CDH22: variants seen among roughly 807,000 people sequenced by gnomAD.
CDH22 encodes cadherin 22, also known as cadherin-22.
CDH22 carries 30 observed loss-of-function variants against 58.4 expected under a neutral mutation model. The observed-to-expected ratio is 0.51, with a 90% confidence interval of 0.38 to 0.70. The LOEUF is 0.70. Ranked by LOEUF, CDH22 falls within the 30% of genes least tolerant of loss-of-function variation. The pLI is 0.00. For synonymous variants in CDH22, 513 were observed against 558.2 expected (o/e 0.92, Z 1.14); for missense variants, 1,014 against 1,233.9 (o/e 0.82, Z 2.67).
chr20:46,190,955 TG>T (rs2085858626), intron 8 of CDH22, among the ~76,000 whole-genome samples: 1 of 152,136 alleles, frequency 6.6e-6, no homozygotes, highest in African/African-American at 2.4e-5. Context: ...TTCTGTATAA[TG>T]GACAGGGGAT....
chr20:46,226,735 C>T lies in CDH22; in HGVS notation c.670+773G>A, dbSNP rs180978136. 3.3e-5 allele frequency among the ~76,000 whole-genome samples: 5 copies of T among 152,316 alleles called. No individual in the cohort carries two copies. In the East Asian group the frequency reaches 7.7e-4, roughly 24 times the overall value. On this transcript the variant is annotated intron_variant, in intron 4 of 11. Transcript: ENST00000537909. ...CTGTGCTGTCTGACATCTCATTCCCCGCCTTCACCCAAGCCAGGCCCCTCC... is the reference window on the plus strand; with the variant it reads ...CTGTGCTGTCTGACATCTCATTCCCTGCCTTCACCCAAGCCAGGCCCCTCC...
chr20:46,191,818 G>A (rs971840631), intron 8 of CDH22, among the ~76,000 whole-genome samples: 3 of 152,168 alleles, frequency 2.0e-5, no homozygotes, highest in African/African-American at 7.2e-5. Context: ...CCTCCAGGAA[G>A]CTTTCCTTGA....
At chr20:46,204,538 G>T (rs564220108) in intron 7 of CDH22, among the ~76,000 whole-genome samples, 1 of 151,860 alleles carries the variant, frequency 6.6e-6, no homozygotes, top group Non-Finnish European at 1.5e-5. Flanking sequence ...ACTTTTCTTT[G>T]TTGAGCAAGA....
At chr20:46,236,557 A>AT (rs1318420702) in intron 3 of CDH22, among the ~76,000 whole-genome samples, 3 of 143,540 alleles carry the variant, frequency 2.1e-5, no homozygotes, top group Non-Finnish European at 4.5e-5. Flanking sequence ...ATATAAATAT[A>AT]AAAATAAATA....
chr20:46,292,574 C>T (rs933524885), intron 1 of CDH22, among the ~76,000 whole-genome samples: 7 of 152,196 alleles, frequency 4.6e-5, no homozygotes, highest in African/African-American at 1.7e-4. Flanking sequence ...TATCCGGTGT[C>T]TTAGTCCTGG....
intron 2 of CDH22, among the ~76,000 whole-genome samples, chr20:46,242,715 A>G (rs1372985299): frequency 6.6e-6 from 1 of 152,146 alleles, no homozygotes; most frequent in Non-Finnish European, 1.5e-5. Context: ...TACTGCAGGT[A>G]TGGAGGTTTT....
intron 11 of CDH22, among the ~76,000 whole-genome samples, chr20:46,177,527 C>T (rs1248878231): frequency 3.9e-5 from 6 of 152,082 alleles, no homozygotes; most frequent in Non-Finnish European, 8.8e-5. Context: ...TATCCAGTAC[C>T]CTTACACCAG....
intron 1 of CDH22, among the ~76,000 whole-genome samples, chr20:46,298,390 A>G (rs2086637713): frequency 1.3e-5 from 2 of 152,234 alleles, no homozygotes; most frequent in South Asian, 4.1e-4. Context: ...AGCCTGGCAC[A>G]TAGTAGGCTC....
Position 46,216,996 on chromosome 20 carries a change from G to A in CDH22, c.671-3C>T. The stretch of plus-strand genomic sequence containing the variant: ...AGGCACAGCCGTCCGGATTACGCCT[G>A]TGGGTGAGTGAGGGTGAGGCCAGGG... On this transcript the variant is annotated splice_region_variant and splice_polypyrimidine_tract_variant and intron_variant, in intron 4 of 11. Transcript: ENST00000537909. This position sits in a 1 kb window ranked among gnomAD's most constrained non-coding sequence, Gnocchi z 5.3. 6.3e-7 allele frequency: 1 copy of A among 1,584,834 alleles called. No homozygotes were observed. The highest frequency in any genetic ancestry group is 1.1e-5 in the South Asian group (1 of 90,478).
chr20:46,258,270 G>A (rs534515459), intron 1 of CDH22, among the ~76,000 whole-genome samples: 2 of 152,236 alleles, frequency 1.3e-5, no homozygotes, highest in African/African-American at 4.8e-5. Context: ...TGGGATTTGT[G>A]AAGGTTCATT....
intron 2 of CDH22, among the ~76,000 whole-genome samples, chr20:46,242,161 C>T (rs1568670830): frequency 2.0e-5 from 3 of 152,270 alleles, no homozygotes; most frequent in Non-Finnish European, 2.9e-5. Flanking sequence ...GTTAAAGATG[C>T]TTTTTTTAAA....
intron 1 of CDH22, among the ~76,000 whole-genome samples, chr20:46,268,062 A>T (rs1454740669): frequency 6.6e-6 from 1 of 152,254 alleles, no homozygotes; most frequent in Non-Finnish European, 1.5e-5. Flanking sequence ...CAGATATTGG[A>T]CATGGGTTTC....
chr20:46,255,572 C>T (rs920729134), intron 1 of CDH22, among the ~76,000 whole-genome samples: 1 of 152,194 alleles, frequency 6.6e-6, no homozygotes, highest in African/African-American at 2.4e-5. Context: ...ATCCTCACCT[C>T]TCCCTCCCCT....
At chr20:46,298,635 A>AATGGGTGGATGGATGGATGGATGG (rs2086638599) in intron 1 of CDH22, among the ~76,000 whole-genome samples, 1 of 151,772 alleles carries the variant, frequency 6.6e-6, no homozygotes, top group Non-Finnish European at 1.5e-5. Flanking sequence ...TGGATTGATG[A>AATGGGTGGATGGATGGATGGATGG]ATGGGTGGAT....
intron 7 of CDH22, among the ~76,000 whole-genome samples, chr20:46,201,714 C>T (rs1474693108): frequency 2.6e-5 from 4 of 152,176 alleles, no homozygotes; most frequent in Non-Finnish European, 5.9e-5. Context: ...CATTATAAGC[C>T]GATCCCCTGA....
In CDH22 at chr20:46,174,425, C is replaced by G. The variant is rs2085719071; in HGVS notation, c.*81G>C. Reference sequence around the variant, plus strand: ...GTTGGGGGAGGGCAGGAAAGGGGGTCCGCGGGGGAAACGCGTTGTCCTGGG... The same window carrying G: ...GTTGGGGGAGGGCAGGAAAGGGGGTGCGCGGGGGAAACGCGTTGTCCTGGG... On this transcript the variant is annotated 3_prime_UTR_variant, in exon 12 of 12. Transcript: ENST00000537909. The surrounding 1 kb of genome is among the most constrained non-coding windows in gnomAD (Gnocchi z 4.4). 1.7e-5 allele frequency: 17 copies of G among 1,019,722 alleles called. 1 individual carries two copies. In the South Asian group the frequency reaches 3.1e-4, roughly 19 times the overall value. The allele number at this position is 1,019,722 out of a possible 1,614,324, so 63.2% of individuals were successfully genotyped here.
intron 1 of CDH22, among the ~76,000 whole-genome samples, chr20:46,266,028 G>A (rs2086457953): frequency 6.7e-6 from 1 of 149,088 alleles, no homozygotes; most frequent in Admixed American, 6.7e-5. Context: ...GCCCCCTCTG[G>A]GTCTCTCTCT....
At chr20:46,239,867 G>A (rs1325226950) in intron 3 of CDH22, among the ~76,000 whole-genome samples, 1 of 152,254 alleles carries the variant, frequency 6.6e-6, no homozygotes, top group East Asian at 1.9e-4. Context: ...TTCCTGGTGG[G>A]AGAAGGCAGA....
At chr20:46,258,078 C>A (rs1466188588) in intron 1 of CDH22, among the ~76,000 whole-genome samples, 1 of 152,128 alleles carries the variant, frequency 6.6e-6, no homozygotes, top group Admixed American at 6.5e-5. Context: ...ATCATGTGAT[C>A]CTACTGATAG....
Sources: allele counts gnomAD v4.1 joint callset (sites outside exome capture counted in the v4.1 genomes callset), GRCh38; gene constraint gnomAD v4.1.1; non-coding constraint Gnocchi (gnomAD v3.1); transcripts MANE v1.5; gene names NCBI Gene and HGNC (gene_info 2026-07-23, HGNC 2026-07-21).